TSHZ2: variants seen among roughly 807,000 people sequenced by gnomAD.
TSHZ2 encodes the protein teashirt zinc finger homeobox 2.
Under a neutral mutation model 74.4 loss-of-function variants are expected in TSHZ2, and 21 were observed. That is an observed-to-expected ratio of 0.28 (90% CI 0.20 to 0.41). TSHZ2 has a LOEUF of 0.41. Among genes scored for constraint, TSHZ2 ranks in the 10% least tolerant of loss-of-function variants. TSHZ2 has a pLI of 1.00. For missense variants in TSHZ2, 1,244 were observed against 1,293.5 expected (o/e 0.96, Z 0.59); for synonymous variants, 540 against 515.3 (o/e 1.05, Z -0.65).
chr20:53,347,639 T>C (rs1044039574), intron 2 of TSHZ2, among the ~76,000 whole-genome samples: 1 of 152,138 alleles, frequency 6.6e-6, no homozygotes, highest in Non-Finnish European at 1.5e-5. Context: ...TTTTACTTTT[T>C]TTTTTTCCAA....
chr20:53,308,552 A>G (rs1186332103), intron 2 of TSHZ2, among the ~76,000 whole-genome samples: 2 of 152,184 alleles, frequency 1.3e-5, no homozygotes, highest in Non-Finnish European at 2.9e-5. Context: ...TGTCGAATGC[A>G]CGTTGAGCTG....
chr20:53,278,288 T>A (rs918277158), intron 2 of TSHZ2, among the ~76,000 whole-genome samples: 20 of 152,260 alleles, frequency 1.3e-4, no homozygotes, highest in African/African-American at 4.8e-4. Flanking sequence ...TTTCTAATTC[T>A]GAAATGGTAG....
rs117492219 is a variant in TSHZ2, at chr20:53,454,714, C to T, written c.*9-32430C>T. Among the ~76,000 whole-genome samples the T allele has an allele frequency of 4.2e-3, 639 of 152,252 alleles. 3 individuals carry two copies. The highest frequency in any genetic ancestry group is 0.024 in the Middle Eastern group (7 of 294). On this transcript the variant is annotated intron_variant, in intron 2 of 2. Coordinates refer to ENST00000371497, the MANE Select transcript of TSHZ2 (RefSeq NM_173485.6). ...TAGCCCCATCAGAACTGAAACCCTC[C>T]CAATTGTCCCATAGAATGGATGGTT...
At chr20:52,994,654 C>T (rs1205499638) in intron 1 of TSHZ2, among the ~76,000 whole-genome samples, 1 of 152,168 alleles carries the variant, frequency 6.6e-6, no homozygotes, top group Non-Finnish European at 1.5e-5. Context: ...AACCCAGGTG[C>T]CCTTTATCCT....
intron 2 of TSHZ2, among the ~76,000 whole-genome samples, chr20:53,358,323 G>T: frequency 7.5e-6 from 1 of 134,148 alleles, no homozygotes; most frequent in Non-Finnish European, 1.6e-5. Context: ...AAAAGTTTCT[G>T]TGGTTCTTTT....
At chr20:53,045,530 A>G (rs1984196700) in intron 1 of TSHZ2, among the ~76,000 whole-genome samples, 1 of 152,180 alleles carries the variant, frequency 6.6e-6, no homozygotes, top group African/African-American at 2.4e-5. Flanking sequence ...TAGACGAGAC[A>G]TTTCCCCCTC....
intron 2 of TSHZ2, among the ~76,000 whole-genome samples, chr20:53,434,684 C>G (rs1169163724): frequency 6.6e-6 from 1 of 152,206 alleles, no homozygotes; most frequent in African/African-American, 2.4e-5. Context: ...CTTAGGAAGT[C>G]TGGAGAGCCG....
chr20:53,138,726 C>T (rs6091638), intron 1 of TSHZ2, among the ~76,000 whole-genome samples: 48,800 of 152,094 alleles, frequency 0.32, 8,897 homozygotes, highest in African/African-American at 0.5. Context: ...TGGAATTCAC[C>T]AGGCCTCTGA....
chr20:53,287,821 TTTC>T (rs761931136), intron 2 of TSHZ2, among the ~76,000 whole-genome samples: 36 of 152,192 alleles, frequency 2.4e-4, no homozygotes, highest in Middle Eastern at 3.2e-3. Context: ...TCAACCTGAA[TTTC>T]TTGAGTTTTT....
intron 1 of TSHZ2, among the ~76,000 whole-genome samples, chr20:53,110,471 A>G (rs1333664991): frequency 6.6e-6 from 1 of 152,170 alleles, no homozygotes; most frequent in Non-Finnish European, 1.5e-5. Context: ...CTGGAATTCT[A>G]AAAGGAAAAA....
chr20:53,053,459 C>T (rs981045675), intron 1 of TSHZ2, among the ~76,000 whole-genome samples: 6 of 152,190 alleles, frequency 3.9e-5, no homozygotes, highest in South Asian at 2.1e-4. Flanking sequence ...GCCAAGAGAA[C>T]GGTCTAGGTA....
chr20:53,405,374 T>C (rs1468450235), intron 2 of TSHZ2, among the ~76,000 whole-genome samples: 6 of 152,202 alleles, frequency 3.9e-5, no homozygotes, highest in Admixed American at 6.5e-5. Flanking sequence ...TAGGATTGTG[T>C]GGGCAGAACC....
chr20:53,478,594 A>G (rs907887767), intron 2 of TSHZ2, among the ~76,000 whole-genome samples: 1 of 151,888 alleles, frequency 6.6e-6, no homozygotes, highest in Non-Finnish European at 1.5e-5. Flanking sequence ...GCGCACCAGC[A>G]TGGCACATGT....
intron 2 of TSHZ2, among the ~76,000 whole-genome samples, chr20:53,328,253 A>G (rs1458730768): frequency 6.6e-6 from 1 of 152,238 alleles, no homozygotes; most frequent in African/African-American, 2.4e-5. Flanking sequence ...AAATATCTGC[A>G]TAAACAGAAA....
chr20:52,997,267 G>T (rs576827186), intron 1 of TSHZ2, among the ~76,000 whole-genome samples: 38 of 150,802 alleles, frequency 2.5e-4, no homozygotes, highest in East Asian at 5.8e-4. Context: ...CCCGGGGGGG[G>T]GTTCAGCACT....
intron 1 of TSHZ2, among the ~76,000 whole-genome samples, chr20:53,237,971 C>A (rs1052957135): frequency 2.0e-5 from 3 of 152,066 alleles, no homozygotes; most frequent in Non-Finnish European, 4.4e-5. Flanking sequence ...TATAGACTTG[C>A]TCTATGAAAA....
chr20:53,159,775 A>C (rs186727985), intron 1 of TSHZ2, among the ~76,000 whole-genome samples: 1 of 151,936 alleles, frequency 6.6e-6, no homozygotes, highest in African/African-American at 2.4e-5. Context: ...TTATTCATTC[A>C]TTTTTTTCAT....
chr20:52,990,298 C>T (rs917508040), intron 1 of TSHZ2, among the ~76,000 whole-genome samples: 2 of 152,062 alleles, frequency 1.3e-5, no homozygotes, highest in African/African-American at 4.8e-5. Context: ...AAAATGTCTA[C>T]CCCTCTAACC....
chr20:53,472,747 A>G (rs141565906), intron 2 of TSHZ2, among the ~76,000 whole-genome samples: 27,892 of 147,588 alleles, frequency 0.19, 2,829 homozygotes, highest in East Asian at 0.27. Context: ...CTGAGGTACC[A>G]GGTTCATCTC....
Sources: allele counts gnomAD v4.1 joint callset (sites outside exome capture counted in the v4.1 genomes callset), GRCh38; gene constraint gnomAD v4.1.1; transcripts MANE v1.5; gene names NCBI Gene and HGNC (gene_info 2026-07-23, HGNC 2026-07-21).